The following SIRT5 variants were observed in gnomAD, a reference collection of about 807,000 sequenced individuals.
SIRT5 encodes the protein sirtuin 5.
Under a neutral mutation model 40.0 loss-of-function variants are expected in SIRT5, and 26 were observed. That is an observed-to-expected ratio of 0.65 (90% confidence interval 0.48 to 0.90). The LOEUF is 0.90. Among genes scored for constraint, SIRT5 ranks in the 40% least tolerant of loss-of-function variants. The pLI is 0.00. For synonymous variants in SIRT5, 146 were observed against 149.1 expected, an observed-to-expected ratio of 0.98 and a Z score of 0.15; for missense variants, 401 against 402.4, an observed-to-expected ratio of 1.00 and a Z score of 0.03.
In SIRT5 at chr6:13,591,796, C is replaced by T; in HGVS notation, c.377C>T (p.Thr126Ile). The change falls in exon 5 of 10, where the codon ACC (threonine) becomes ATC (isoleucine). Residue 126 changes from threonine (T) to isoleucine (I), a missense_variant. Physicochemically the swap from Thr to Ile is moderately conservative, Grantham distance 89. Coordinates refer to ENST00000606117, the MANE Select transcript of SIRT5 (RefSeq NM_012241.5). ...AGHRAIAECE[T>I]RLGKQGRRVV... is the part of the protein sequence containing the mutation. The stretch of plus-strand genomic sequence containing the variant: ...CACCGCGCCATAGCCGAGTGTGAGA[C>T]CCGGCTGGGCAAGCAGGGCCGGCGA... 6.2e-7 allele frequency: 1 copy of T among 1,614,190 alleles called. No individual in the cohort carries two copies. The highest frequency in any genetic ancestry group is 8.5e-7 in the Non-Finnish European group (1 of 1,180,012).
chr6:13,607,539 C>T lies in SIRT5; in HGVS notation c.858-4251C>T, dbSNP rs1306773603. On this transcript the variant is annotated intron_variant, in intron 9 of 9. Transcript: ENST00000606117. The surrounding 1 kb of genome is among the most constrained non-coding windows in gnomAD (Gnocchi z 4.0). ...AATGCAGCAGGATGATTACATTAAC[C>T]AATGCAAGTGGCGTGAGCAGATGTG... is the stretch of plus-strand genomic sequence containing the variant. Among the ~76,000 whole-genome samples, 1 of 152,124 alleles carries T rather than the reference C, an allele frequency of 6.6e-6. No homozygotes were observed. The highest frequency in any genetic ancestry group is 1.5e-5 in the Non-Finnish European group (1 of 68,032).
intron 8 of SIRT5, among the ~76,000 whole-genome samples, chr6:13,599,509 AT>A (rs1263353388): frequency 6.6e-6 from 1 of 152,226 alleles, no homozygotes; most frequent in African/African-American, 2.4e-5. Flanking sequence ...AAATTATCAC[AT>A]TATAAAGAGG....
chr6:13,577,389 T>C (rs1758764660), intron 1 of SIRT5, among the ~76,000 whole-genome samples: 1 of 152,096 alleles, frequency 6.6e-6, no homozygotes, highest in South Asian at 2.1e-4. Context: ...CTGAAGTGGT[T>C]TTTTCTTTAA....
At chr6:13,578,858 G>T (rs967475512) in intron 1 of SIRT5, among the ~76,000 whole-genome samples, 1 of 151,886 alleles carries the variant, frequency 6.6e-6, no homozygotes, top group South Asian at 2.1e-4. Context: ...TCATGAAAAG[G>T]CATCGTTAAA....
chr6:13,588,427 GAGGAGC>G lies in SIRT5; in HGVS notation c.213_218del (p.Arg71_Ala73delinsSer), dbSNP rs1186159612. ...GCAGAAAGTGGTGTTCCGACCTTCA[GAGGAGC>G]TGGAGGTTATTGGAGAAAATGGCAA... On this transcript the variant is annotated inframe_deletion, in exon 4 of 10. Coordinates refer to ENST00000606117, the MANE Select transcript of SIRT5 (RefSeq NM_012241.5). 4.3e-6 allele frequency: 7 copies of G among 1,614,104 alleles called. No homozygotes were observed. Among genetic ancestry groups the G allele is most frequent in the African/African-American group, 4.0e-5 (3 of 74,936 alleles).
intron 6 of SIRT5, among the ~76,000 whole-genome samples, chr6:13,596,139 C>T (rs950553944): frequency 4.6e-5 from 7 of 152,076 alleles, no homozygotes; most frequent in Non-Finnish European, 1.0e-4. Flanking sequence ...GTTAAAAGAC[C>T]AGAAGAAAAT....
chr6:13,600,841 C>A lies in SIRT5; in HGVS notation c.749C>A (p.Thr250Asn). ...CGTGTACTTGCCTTGTAGGTGGGCA[C>A]TTCCTCTGTGGTGTACCCAGCAGCC... ...AHCDLCLVVG[T>N]SSVVYPAAMF... Residue 250 changes from threonine (T) to asparagine (N), a missense_variant, in exon 9 of 10, where the codon ACT becomes AAT. Physicochemically the swap from Thr to Asn is moderately conservative, Grantham distance 65. Transcript: ENST00000606117. 6.2e-7 allele frequency: 1 copy of A among 1,611,766 alleles called. No individual in the cohort carries two copies. The highest frequency in any genetic ancestry group is 8.5e-7 in the Non-Finnish European group (1 of 1,178,954).
intron 5 of SIRT5, among the ~76,000 whole-genome samples, chr6:13,595,147 G>C (rs1449007862): frequency 1.3e-5 from 2 of 152,190 alleles, no homozygotes; most frequent in African/African-American, 4.8e-5. Flanking sequence ...ATATGCTCTT[G>C]ACTGGCTTAA....
At chr6:13,605,186 A>T (rs1417066872) in intron 9 of SIRT5, 1 of 985,086 alleles carries the variant, frequency 1.0e-6, no homozygotes. Flanking sequence ...TCAGCAAACT[A>T]CTGCCTGTGG....
At chr6:13,590,269 A>C (rs1038465792) in intron 4 of SIRT5, among the ~76,000 whole-genome samples, 1 of 152,284 alleles carries the variant, frequency 6.6e-6, no homozygotes, top group Admixed American at 6.5e-5. Flanking sequence ...GTCATCCCTG[A>C]AAGTTCCCTG....
chr6:13,589,824 G>T (rs962954626), intron 4 of SIRT5, among the ~76,000 whole-genome samples: 1 of 152,202 alleles, frequency 6.6e-6, no homozygotes, highest in African/African-American at 2.4e-5. Context: ...GAGCTCGGAG[G>T]AGGGGCGCTT....
intron 4 of SIRT5, among the ~76,000 whole-genome samples, chr6:13,590,002 C>G (rs1760624061): frequency 6.6e-6 from 1 of 152,292 alleles, no homozygotes; most frequent in Non-Finnish European, 1.5e-5. Context: ...GTGGGTCAAC[C>G]TCTCACGTGG....
At chr6:13,577,507 C>T (rs1320659395) in intron 1 of SIRT5, among the ~76,000 whole-genome samples, 3 of 151,448 alleles carry the variant, frequency 2.0e-5, no homozygotes, top group African/African-American at 7.3e-5. Context: ...CTGCAACTTC[C>T]CTGAATTTAT....
At chr6:13,578,248 G>A (rs1404016746) in intron 1 of SIRT5, among the ~76,000 whole-genome samples, 1 of 152,100 alleles carries the variant, frequency 6.6e-6, no homozygotes, top group Non-Finnish European at 1.5e-5. Context: ...CAGGGATATT[G>A]GTCTGTAGTT....
chr6:13,577,496 C>G (rs1174665894), intron 1 of SIRT5, among the ~76,000 whole-genome samples: 1 of 151,498 alleles, frequency 6.6e-6, no homozygotes, highest in Non-Finnish European at 1.5e-5. Flanking sequence ...GATTTTGTAT[C>G]CTGCAACTTC....
At chr6:13,604,591 C>A in intron 9 of SIRT5, 1 of 1,547,482 alleles carries the variant, frequency 6.5e-7, no homozygotes, top group South Asian at 1.2e-5. Flanking sequence ...GGAGTATTTC[C>A]ACAACCCAAG....
Position 13,595,531 on chromosome 6 carries a change from A to G in SIRT5, c.530A>G (p.Lys177Arg), listed in dbSNP as rs1365074538. Residue 177 changes from lysine (K) to arginine (R), a missense_variant, in exon 6 of 10, where the codon AAG becomes AGG. Transcript: ENST00000606117. ...TGTGGAGTTGTGGCTGAGAATTACA[A>G]GAGTCCAATTTGTCCAGCTTTATCA... ...TSCGVVAENY[K>R]SPICPALSGK... The G allele has an allele frequency of 3.1e-6, 5 of 1,614,156 alleles. No homozygotes were observed. The South Asian group carries it at 3.3e-5, about 11-fold the overall frequency.
chr6:13,585,737 T>C (rs1218812830), intron 3 of SIRT5, among the ~76,000 whole-genome samples: 1 of 152,246 alleles, frequency 6.6e-6, no homozygotes, highest in Non-Finnish European at 1.5e-5. Flanking sequence ...GCATGATTTA[T>C]AATCCTTTGG....
chr6:13,585,381 A>T (rs924739327), intron 3 of SIRT5, among the ~76,000 whole-genome samples: 34 of 151,854 alleles, frequency 2.2e-4, no homozygotes, highest in Non-Finnish European at 4.0e-4. Context: ...TCCTGATGCT[A>T]TCCCTCCCCA....
Sources: gnomAD v4.1 joint callset for allele counts (sites outside exome capture counted in the v4.1 genomes callset) on GRCh38, gnomAD v4.1.1 for gene constraint, Gnocchi (gnomAD v3.1) non-coding constraint, MANE v1.5 for transcripts, NCBI Gene and HGNC (gene_info 2026-07-23, HGNC 2026-07-21) for gene names.